The following RBFOX1 variants were observed in gnomAD, a reference collection of about 807,000 sequenced individuals.
RBFOX1 encodes the protein RNA binding fox-1 homolog 1.
In RBFOX1, 8 loss-of-function variants were observed where a neutral mutation model predicts 57.7. The observed-to-expected ratio is 0.14, with a 90% CI of 0.08 to 0.25. RBFOX1 has a LOEUF of 0.25. Ranked by LOEUF, RBFOX1 falls within the 10% of genes least tolerant of loss-of-function variation. The pLI is 1.00. For missense variants in RBFOX1, 611 were observed against 548.5 expected (o/e 1.11, Z -1.14); for synonymous variants, 326 against 222.4 (o/e 1.47, Z -4.15).
chr16:5,829,901 C>T (rs73516195), intron 3 of RBFOX1, among the ~76,000 whole-genome samples: 2,193 of 151,982 alleles, frequency 0.014, 56 homozygotes, highest in African/African-American at 0.049. Flanking sequence ...TTTTTTTTTC[C>T]CCTTAGGTGA....
intron 1 of RBFOX1, among the ~76,000 whole-genome samples, chr16:5,450,176 C>T (rs1056490930): frequency 8.5e-5 from 13 of 152,258 alleles, no homozygotes; most frequent in South Asian, 2.1e-4. Flanking sequence ...GATTTGAGCC[C>T]GATCCTTGTG....
chr16:7,392,365 C>T (rs887444204), intron 4 of RBFOX1, among the ~76,000 whole-genome samples: 4 of 152,116 alleles, frequency 2.6e-5, no homozygotes, highest in Admixed American at 2.0e-4. Context: ...TGGCCTGTTT[C>T]CTCCACTCAG....
At chr16:6,848,696 G>T (rs1260679572) in intron 3 of RBFOX1, among the ~76,000 whole-genome samples, 1 of 152,080 alleles carries the variant, frequency 6.6e-6, no homozygotes, top group Non-Finnish European at 1.5e-5. Context: ...GCAGATGGAT[G>T]GAATGAGAGA....
At chr16:7,539,734 G>A (rs911966403) in intron 5 of RBFOX1, among the ~76,000 whole-genome samples, 1 of 152,204 alleles carries the variant, frequency 6.6e-6, no homozygotes, top group East Asian at 1.9e-4. Context: ...GTGCATGATA[G>A]CACTGGGCTT....
intron 3 of RBFOX1, among the ~76,000 whole-genome samples, chr16:5,759,599 G>C (rs113351716): frequency 6.6e-6 from 1 of 152,088 alleles, no homozygotes; most frequent in African/African-American, 2.4e-5. Context: ...TCCTTTTGCC[G>C]CCAGTGCCAG....
chr16:5,265,799 G>T (rs180773484), intron 1 of RBFOX1, among the ~76,000 whole-genome samples: 128 of 152,264 alleles, frequency 8.4e-4, no homozygotes, highest in Non-Finnish European at 1.6e-3. Flanking sequence ...CTGTTCGGGG[G>T]ACTGTGCTTT....
chr16:5,414,426 A>G (rs1385089673), intron 1 of RBFOX1, among the ~76,000 whole-genome samples: 2 of 152,162 alleles, frequency 1.3e-5, no homozygotes, highest in African/African-American at 4.8e-5. Flanking sequence ...TTGTCACTTT[A>G]TGAGAGATTT....
intron 1 of RBFOX1, among the ~76,000 whole-genome samples, chr16:6,309,817 A>G (rs957951422): frequency 2.0e-5 from 3 of 152,334 alleles, no homozygotes; most frequent in African/African-American, 7.2e-5. Flanking sequence ...AATTAAATGC[A>G]GCAGAAACAC....
intron 1 of RBFOX1, among the ~76,000 whole-genome samples, chr16:5,392,961 A>G (rs1164629166): frequency 1.3e-5 from 2 of 152,042 alleles, no homozygotes; most frequent in Non-Finnish European, 2.9e-5. Flanking sequence ...ACATATCTTT[A>G]TGGAGCCCTA....
chr16:5,969,796 A>C (rs2059927618), intron 4 of RBFOX1, among the ~76,000 whole-genome samples: 1 of 151,228 alleles, frequency 6.6e-6, no homozygotes, highest in East Asian at 1.9e-4. Context: ...TTTTATTTGG[A>C]CTTTGTTTCA....
chr16:7,016,409 T>C (rs2093915448), intron 3 of RBFOX1, among the ~76,000 whole-genome samples: 1 of 152,188 alleles, frequency 6.6e-6, no homozygotes, highest in South Asian at 2.1e-4. Flanking sequence ...GGCACTGAAC[T>C]TAAATTCTGC....
At chr16:7,606,060 C>G (rs2095272238) in intron 9 of RBFOX1, among the ~76,000 whole-genome samples, 1 of 151,586 alleles carries the variant, frequency 6.6e-6, no homozygotes, top group African/African-American at 2.4e-5. Flanking sequence ...ACCTGCCTGC[C>G]TTGGCCTCTC....
chr16:7,063,321 G>C (rs190254482), intron 4 of RBFOX1, among the ~76,000 whole-genome samples: 1 of 151,890 alleles, frequency 6.6e-6, no homozygotes, highest in Non-Finnish European at 1.5e-5. Context: ...GACCACCCCC[G>C]TGCCCACAGA....
chr16:6,970,981 T>C (rs999959325), intron 3 of RBFOX1, among the ~76,000 whole-genome samples: 3 of 152,180 alleles, frequency 2.0e-5, no homozygotes, highest in Non-Finnish European at 4.4e-5. Context: ...CCTGCCCTTA[T>C]TTGATCATAG....
At chr16:5,748,466 C>T (rs1043885315) in intron 3 of RBFOX1, among the ~76,000 whole-genome samples, 25 of 152,130 alleles carry the variant, frequency 1.6e-4, no homozygotes, top group Non-Finnish European at 3.1e-4. Context: ...CTAATGTTGA[C>T]AGTGGGGTGT....
intron 1 of RBFOX1, among the ~76,000 whole-genome samples, chr16:5,431,204 C>A (rs968304295): frequency 2.0e-5 from 3 of 152,100 alleles, no homozygotes; most frequent in Non-Finnish European, 2.9e-5. Context: ...GGAGATAACT[C>A]GATTCTCCAA....
chr16:7,173,368 A>G (rs1567565689), intron 4 of RBFOX1, among the ~76,000 whole-genome samples: 1 of 152,122 alleles, frequency 6.6e-6, no homozygotes, highest in Admixed American at 6.6e-5. Context: ...AACTCCATTC[A>G]CTGTCATGCT....
chr16:5,394,770 A>AT (rs2066504691), intron 1 of RBFOX1, among the ~76,000 whole-genome samples: 1 of 151,998 alleles, frequency 6.6e-6, no homozygotes. Context: ...GCTGGTCTTG[A>AT]ACTCCCGGTC....
chr16:7,241,045 G>C (rs1482719968), intron 4 of RBFOX1, among the ~76,000 whole-genome samples: 1 of 152,112 alleles, frequency 6.6e-6, no homozygotes, highest in Non-Finnish European at 1.5e-5. Context: ...TAAGCCACTG[G>C]ATTTGGGTTG....
Sources: allele counts gnomAD v4.1 joint callset (sites outside exome capture counted in the v4.1 genomes callset), GRCh38; gene constraint gnomAD v4.1.1; transcripts MANE v1.5; gene names NCBI Gene and HGNC (gene_info 2026-07-23, HGNC 2026-07-21).